The following PEPD variants were observed in gnomAD, a reference collection of about 807,000 sequenced individuals.
PEPD encodes xaa-Pro dipeptidase.
Under a neutral mutation model 60.7 loss-of-function variants are expected in PEPD, and 53 were observed. The ratio of observed to expected loss-of-function variants is 0.87; its 90% confidence interval spans 0.70 to 1.10. PEPD has a LOEUF of 1.10. Ranked by LOEUF, PEPD falls within the 50% of genes least tolerant of loss-of-function variation. The probability of loss-of-function intolerance (pLI) is 0.00; values close to 1 mark genes in which losing one functional copy is unlikely to be tolerated. For synonymous variants in PEPD, 267 were observed against 284.1 expected (o/e 0.94, Z 0.60); for missense variants, 711 against 711.9 (o/e 1.00, Z 0.01).
At chr19:33,488,507 C>T (rs1970437559) in intron 6 of PEPD, among the ~76,000 whole-genome samples, 1 of 152,156 alleles carries the variant, frequency 6.6e-6, no homozygotes, top group Non-Finnish European at 1.5e-5. Flanking sequence ...CAGGCAGCAG[C>T]TGGCTGTGCC....
Position 33,512,580 on chromosome 19 carries a change from C to G in PEPD, c.201+13G>C, listed in dbSNP as rs780612884. Reference sequence around the variant, plus strand: ...ACACACCTGCTCACTTGTGGCCAAGCGGGGAGGCTCACCTGGCGGAAGAGG... The same window carrying G: ...ACACACCTGCTCACTTGTGGCCAAGGGGGGAGGCTCACCTGGCGGAAGAGG... On this transcript the variant is annotated intron_variant, in intron 2 of 14. Coordinates refer to ENST00000244137, the MANE Select transcript of PEPD (RefSeq NM_000285.4). 6.2e-7 allele frequency: 1 copy of G among 1,612,012 alleles called. No homozygotes were observed. The highest frequency in any genetic ancestry group is 8.5e-7 in the Non-Finnish European group (1 of 1,179,436).
chr19:33,418,945 C>T (rs8182579), intron 9 of PEPD, among the ~76,000 whole-genome samples: 56,127 of 152,084 alleles, frequency 0.37, 10,635 homozygotes, highest in Middle Eastern at 0.41. Flanking sequence ...TCAGCATCAC[C>T]GTGTAGCCGG....
At chr19:33,453,587 T>C (rs970335541) in intron 9 of PEPD, among the ~76,000 whole-genome samples, 35 of 152,262 alleles carry the variant, frequency 2.3e-4, no homozygotes, top group Admixed American at 6.5e-5. Context: ...CATTGATTTT[T>C]TGAGACATAA....
At chr19:33,516,296 G>A (rs1048130668) in intron 1 of PEPD, among the ~76,000 whole-genome samples, 6 of 152,130 alleles carry the variant, frequency 3.9e-5, no homozygotes, top group Admixed American at 2.6e-4. Context: ...GGTTTCTGCT[G>A]CAGCTTTTGT....
At chr19:33,515,336 G>A (rs932166676) in intron 1 of PEPD, among the ~76,000 whole-genome samples, 3 of 152,076 alleles carry the variant, frequency 2.0e-5, no homozygotes, top group Non-Finnish European at 2.9e-5. Context: ...GCTCCCCCAC[G>A]TGCCCTTCCT....
intron 12 of PEPD, among the ~76,000 whole-genome samples, chr19:33,394,090 G>A (rs533200427): frequency 5.9e-5 from 9 of 152,330 alleles, no homozygotes; most frequent in South Asian, 2.1e-4. Flanking sequence ...CGAGGGCACC[G>A]CTGGGCCTGG....
At chr19:33,400,664 G>A (rs1241400116) in intron 12 of PEPD, among the ~76,000 whole-genome samples, 1 of 152,234 alleles carries the variant, frequency 6.6e-6, no homozygotes, top group African/African-American at 2.4e-5. Context: ...CCAGGCTCTG[G>A]TGAATCCAAG....
intron 9 of PEPD, among the ~76,000 whole-genome samples, chr19:33,459,043 T>G (rs569344192): frequency 6.6e-6 from 1 of 152,092 alleles, no homozygotes; most frequent in African/African-American, 2.4e-5. Flanking sequence ...GGAGCACAGC[T>G]GGGCAAGCCC....
chr19:33,448,324 G>A (rs1158504834), intron 9 of PEPD, among the ~76,000 whole-genome samples: 1 of 152,132 alleles, frequency 6.6e-6, no homozygotes, highest in African/African-American at 2.4e-5. Context: ...CTTCTCACGG[G>A]CAGAACCAGA....
chr19:33,399,791 C>T (rs1968447675), intron 12 of PEPD, among the ~76,000 whole-genome samples: 1 of 152,152 alleles, frequency 6.6e-6, no homozygotes, highest in South Asian at 2.1e-4. Context: ...TCCTTGAACA[C>T]TGAGGGCGCA....
chr19:33,495,469 G>A (rs1970585103), intron 4 of PEPD, among the ~76,000 whole-genome samples: 1 of 150,334 alleles, frequency 6.7e-6, no homozygotes, highest in South Asian at 2.1e-4. Context: ...TTGCACTCCA[G>A]CCTGTTGGGT....
intron 9 of PEPD, among the ~76,000 whole-genome samples, chr19:33,455,278 T>C (rs1334694426): frequency 6.6e-6 from 1 of 152,220 alleles, no homozygotes. Context: ...AACTCTCTAA[T>C]GTTCCTGTGA....
chr19:33,451,150 C>T (rs368654557), intron 9 of PEPD, among the ~76,000 whole-genome samples: 15 of 152,214 alleles, frequency 9.9e-5, no homozygotes, highest in African/African-American at 1.7e-4. Flanking sequence ...ACTGTAACAC[C>T]GCTGCTTTAA....
At chr19:33,460,553 C>T (rs1389877179) in intron 9 of PEPD, among the ~76,000 whole-genome samples, 20 of 152,172 alleles carry the variant, frequency 1.3e-4, no homozygotes, top group Admixed American at 1.3e-3. Flanking sequence ...TCAGGAACAG[C>T]CTCCATCTCT....
rs539326690 is a variant in PEPD, at chr19:33,510,572, A to G, written c.329+456T>C. Among the ~76,000 whole-genome samples the G allele has an allele frequency of 1.1e-4, 16 of 152,268 alleles. No individual in the cohort carries two copies. In the East Asian group the frequency reaches 3.1e-3, roughly 29 times the overall value. The stretch of plus-strand genomic sequence containing the variant: ...GCAGGGAGCCATGGATGTTCTACAC[A>G]TGTGGGGATATTTGGGGATGTTCTA... On this transcript the variant is annotated intron_variant, in intron 3 of 14. Transcript: ENST00000244137.
intron 9 of PEPD, among the ~76,000 whole-genome samples, chr19:33,449,832 G>A (rs1450763163): frequency 1.3e-5 from 2 of 152,224 alleles, no homozygotes; most frequent in African/African-American, 4.8e-5. Flanking sequence ...AAGCCACAGA[G>A]AAACCAGGGA....
At chr19:33,408,851 C>T (rs2145359495) in intron 11 of PEPD, among the ~76,000 whole-genome samples, 1 of 152,342 alleles carries the variant, frequency 6.6e-6, no homozygotes. Flanking sequence ...CTCGGCAGAT[C>T]AATTTCAATA....
In PEPD at chr19:33,466,770, GAAATA is replaced by G. The variant is rs1365738564; in HGVS notation, c.549-2713_549-2709del. On this transcript the variant is annotated intron_variant, in intron 7 of 14. Transcript: ENST00000244137. ...TTTTGTACTAATGAAAAAAAAAAAA[GAAATA>G]AAAATTTTTTTCTAATAAAAAAACC... Among the ~76,000 whole-genome samples, 8 of 118,706 alleles carry G rather than the reference GAAATA, an allele frequency of 6.7e-5. No individual in the cohort carries two copies. In the South Asian group the frequency reaches 8.2e-4, roughly 12 times the overall value. The allele number at this position is 118,706 out of a possible 152,430, so 77.9% of individuals were successfully genotyped here. A position where few individuals can be genotyped will look rare whatever the true frequency, so the allele number is the denominator to read the frequency against.
chr19:33,500,632 C>G (rs779756059), intron 4 of PEPD, among the ~76,000 whole-genome samples: 1 of 152,242 alleles, frequency 6.6e-6, no homozygotes, highest in African/African-American at 2.4e-5. Context: ...TGTGCCACCG[C>G]TGCAGGCAGG....
Sources: allele counts gnomAD v4.1 joint callset (sites outside exome capture counted in the v4.1 genomes callset), GRCh38; gene constraint gnomAD v4.1.1; transcripts MANE v1.5; gene names NCBI Gene and HGNC (gene_info 2026-07-23, HGNC 2026-07-21).